The following PCDH15 variants were observed in gnomAD, a reference collection of about 807,000 sequenced individuals.
PCDH15 encodes protocadherin related 15.
In PCDH15, 129 loss-of-function variants were observed where a neutral mutation model predicts 178.5. The observed-to-expected ratio is 0.72, with a 90% CI of 0.63 to 0.84. PCDH15 has a LOEUF of 0.84. Among genes scored for constraint, PCDH15 ranks in the 40% least tolerant of loss-of-function variants. The probability of loss-of-function intolerance (pLI) is 0.00; values close to 1 mark genes in which losing one functional copy is unlikely to be tolerated. For synonymous variants in PCDH15, 800 were observed against 732.0 expected, an observed-to-expected ratio of 1.09 and a Z score of -1.50; for missense variants, 2,230 against 2,099.9, an observed-to-expected ratio of 1.06 and a Z score of -1.21.
chr10:55,017,704 G>T lies in PCDH15; in HGVS notation c.-79-120204C>A, dbSNP rs1424227401. 5.3e-5 allele frequency among the ~76,000 whole-genome samples: 8 copies of T among 151,832 alleles called. 1 individual carries two copies. Among genetic ancestry groups the T allele is most frequent in the African/African-American group, 1.7e-4 (7 of 41,354 alleles). Reference sequence around the variant, plus strand: ...AGTATTCAATAAATTATTATCTAGTGGCTACAACATGTAAACTTTGACTTT... The same window carrying T: ...AGTATTCAATAAATTATTATCTAGTTGCTACAACATGTAAACTTTGACTTT... On this transcript the variant is annotated intron_variant, in intron 2 of 5. Transcript: ENST00000458638.
chr10:54,099,513 A>AAATATAT lies in PCDH15; in HGVS notation c.1918-9451_1918-9450insATATATT, dbSNP rs1347306483. Among the ~76,000 whole-genome samples, 863 of 117,650 alleles carry AAATATAT rather than the reference A, an allele frequency of 7.3e-3. 29 individuals are homozygous for AAATATAT. Among genetic ancestry groups the AAATATAT allele is most frequent in the African/African-American group, 0.029 (752 of 25,912 alleles). 77.2% of individuals were successfully genotyped at this position (117,650 alleles called of 152,430 possible). A position where few individuals can be genotyped will look rare whatever the true frequency, so the allele number is the denominator to read the frequency against. ...GACTCCATCTCAAAAAAAAAAAAAA[A>AAATATAT]ATATATATATATATATATAAAACAA... On this transcript the variant is annotated intron_variant, in intron 15 of 37. Transcript: ENST00000644397.
chr10:54,292,556 T>A (rs1156295160), intron 8 of PCDH15, among the ~76,000 whole-genome samples: 1 of 152,168 alleles, frequency 6.6e-6, no homozygotes, highest in East Asian at 1.9e-4. Flanking sequence ...ATGACATGAT[T>A]GCATATTTAG....
At chr10:55,535,695 C>T (rs1312481618) in intron 2 of PCDH15, among the ~76,000 whole-genome samples, 2 of 152,018 alleles carry the variant, frequency 1.3e-5, no homozygotes, top group African/African-American at 4.8e-5. Flanking sequence ...GAATTAAATA[C>T]TCCTTAGTAG....
chr10:55,305,009 T>G (rs1481064407), intron 1 of PCDH15, among the ~76,000 whole-genome samples: 1 of 152,196 alleles, frequency 6.6e-6, no homozygotes, highest in East Asian at 1.9e-4. Context: ...CCATAGGGCT[T>G]AAGCTCATAG....
intron 2 of PCDH15, among the ~76,000 whole-genome samples, chr10:55,328,237 T>C (rs533657509): frequency 6.6e-6 from 1 of 151,870 alleles, no homozygotes; most frequent in African/African-American, 2.4e-5. Flanking sequence ...CAAAACTATA[T>C]ATATATAGAA....
At chr10:54,041,304 T>G (rs2093538377) in intron 18 of PCDH15, among the ~76,000 whole-genome samples, 1 of 152,076 alleles carries the variant, frequency 6.6e-6, no homozygotes, top group Admixed American at 6.6e-5. Context: ...ACAAAATAAT[T>G]ATGCTATAAG....
At chr10:55,307,110 T>C (rs11004800) in intron 1 of PCDH15, among the ~76,000 whole-genome samples, 43,345 of 151,842 alleles carry the variant, frequency 0.29, 6,649 homozygotes, top group Admixed American at 0.38. Context: ...GTAATATGTA[T>C]TTTATATATA....
At chr10:53,945,837 G>GTATATATATATATA (rs56389905) in intron 23 of PCDH15, among the ~76,000 whole-genome samples, 5 of 119,440 alleles carry the variant, frequency 4.2e-5, no homozygotes, top group Non-Finnish European at 8.7e-5. Context: ...ATATTTCATT[G>GTATATATATATATA]TATATATATA....
intron 2 of PCDH15, among the ~76,000 whole-genome samples, chr10:55,105,718 G>T (rs1037308695): frequency 5.9e-5 from 9 of 151,852 alleles, no homozygotes; most frequent in African/African-American, 1.9e-4. Flanking sequence ...ATTTACTAAG[G>T]CTCTCCTAAA....
At chr10:54,773,969 T>C (rs979809766) in intron 1 of PCDH15, among the ~76,000 whole-genome samples, 4 of 139,728 alleles carry the variant, frequency 2.9e-5, no homozygotes, top group Non-Finnish European at 4.6e-5. Context: ...TAACACTTCA[T>C]AAAAGTCAAG....
At chr10:54,258,457 C>T (rs2057077738) in intron 8 of PCDH15, among the ~76,000 whole-genome samples, 1 of 152,068 alleles carries the variant, frequency 6.6e-6, no homozygotes, top group South Asian at 2.1e-4. Context: ...CAAGTGATTG[C>T]TTCGACTGGA....
intron 3 of PCDH15, among the ~76,000 whole-genome samples, chr10:54,387,793 G>A (rs533136387): frequency 1.3e-4 from 20 of 152,064 alleles, no homozygotes; most frequent in Middle Eastern, 3.2e-3. Context: ...CCATCTCCTC[G>A]GCAGTATCAC....
chr10:54,685,221 C>T (rs1312174278), intron 1 of PCDH15, among the ~76,000 whole-genome samples: 1 of 152,044 alleles, frequency 6.6e-6, no homozygotes, highest in Non-Finnish European at 1.5e-5. Context: ...ATAATGCCTT[C>T]TTCTGGAATA....
At chr10:54,111,963 C>A (rs1159819861) in intron 15 of PCDH15, among the ~76,000 whole-genome samples, 9 of 95,256 alleles carry the variant, frequency 9.4e-5, no homozygotes, top group Non-Finnish European at 1.9e-4. Flanking sequence ...CCCATCTCTA[C>A]CAAAAATACA....
At chr10:55,433,859 T>G (rs1838954519) in intron 2 of PCDH15, among the ~76,000 whole-genome samples, 1 of 152,066 alleles carries the variant, frequency 6.6e-6, no homozygotes, top group Non-Finnish European at 1.5e-5. Context: ...ACAACCCCTG[T>G]CACTGCACTG....
chr10:53,915,584 C>G (rs898249376), intron 25 of PCDH15, among the ~76,000 whole-genome samples: 5 of 151,920 alleles, frequency 3.3e-5, no homozygotes, highest in African/African-American at 1.2e-4. Flanking sequence ...TTTTTTGAGA[C>G]AGTCTCGCTC....
intron 3 of PCDH15, among the ~76,000 whole-genome samples, chr10:54,522,554 A>T (rs922238625): frequency 6.6e-6 from 1 of 152,200 alleles, no homozygotes; most frequent in Non-Finnish European, 1.5e-5. Flanking sequence ...CTGAAACAGC[A>T]TCACTGCCTC....
At chr10:54,067,957 T>C (rs537973151) in intron 17 of PCDH15, among the ~76,000 whole-genome samples, 34 of 101,038 alleles carry the variant, frequency 3.4e-4, no homozygotes, top group Non-Finnish European at 6.5e-4. Context: ...AGTCAAGTGA[T>C]TTTTTTTATT....
intron 3 of PCDH15, among the ~76,000 whole-genome samples, chr10:54,873,008 C>A (rs1388170728): frequency 6.9e-6 from 1 of 144,828 alleles, no homozygotes; most frequent in Non-Finnish European, 1.6e-5. Flanking sequence ...AAGCTACCAA[C>A]CATCCAGGAA....
Sources: gnomAD v4.1 joint callset for allele counts (sites outside exome capture counted in the v4.1 genomes callset) on GRCh38, gnomAD v4.1.1 for gene constraint, MANE v1.5 for transcripts, NCBI Gene and HGNC (gene_info 2026-07-23, HGNC 2026-07-21) for gene names.